Variants in SORBS2 observed in about 807,000 individuals in gnomAD.
SORBS2 encodes sorbin and SH3 domain-containing protein 2.
A neutral mutation model predicts 97.7 loss-of-function variants in SORBS2; 46 were observed. The ratio of observed to expected loss-of-function variants is 0.47; its 90% CI spans 0.37 to 0.60. The LOEUF is 0.60. Ranked by LOEUF, SORBS2 falls within the 20% of genes least tolerant of loss-of-function variation. SORBS2 has a pLI of 0.00. For missense variants in SORBS2, 1,316 were observed against 1,282.3 expected (o/e 1.03, Z -0.40); for synonymous variants, 476 against 473.4 (o/e 1.01, Z -0.07).
chr4:185,700,847 C>A, intron 2 of SORBS2, among the ~76,000 whole-genome samples: 1 of 152,168 alleles, frequency 6.6e-6, no homozygotes, highest in East Asian at 1.9e-4. Flanking sequence ...CAGCATTCTT[C>A]ATTTTTCATA....
chr4:185,942,309 G>A (rs1350245677), intron 1 of SORBS2, among the ~76,000 whole-genome samples: 2 of 151,952 alleles, frequency 1.3e-5, no homozygotes, highest in East Asian at 1.9e-4. Flanking sequence ...TCCTCAAATC[G>A]AACAGGACCT....
At chr4:185,927,449 C>T (rs1561308560) in intron 1 of SORBS2, among the ~76,000 whole-genome samples, 1 of 151,656 alleles carries the variant, frequency 6.6e-6, no homozygotes, top group African/African-American at 2.4e-5. Context: ...CCCCCCACCC[C>T]CTGACAGGCC....
intron 7 of SORBS2, among the ~76,000 whole-genome samples, chr4:185,622,017 C>T (rs1424008109): frequency 6.6e-6 from 1 of 152,150 alleles, no homozygotes; most frequent in Non-Finnish European, 1.5e-5. Context: ...TTCATTCCAG[C>T]CTCTTAAAAT....
At chr4:185,783,712 G>A (rs899408037) in intron 1 of SORBS2, among the ~76,000 whole-genome samples, 2 of 152,160 alleles carry the variant, frequency 1.3e-5, no homozygotes, top group Non-Finnish European at 2.9e-5. Context: ...CCTGCCCGCA[G>A]TGATGGACAT....
intron 1 of SORBS2, among the ~76,000 whole-genome samples, chr4:185,937,905 C>G (rs2099269740): frequency 1.3e-5 from 2 of 152,126 alleles, no homozygotes; most frequent in Non-Finnish European, 2.9e-5. Context: ...TCCTCTCTGC[C>G]CCTTCAAACT....
intron 2 of SORBS2, among the ~76,000 whole-genome samples, chr4:185,651,491 C>A (rs955131974): frequency 2.0e-5 from 3 of 152,176 alleles, no homozygotes; most frequent in Non-Finnish European, 4.4e-5. Context: ...ATTTTGTACC[C>A]TGGGTTACAG....
chr4:185,719,140 GTA>G (rs2098490782), intron 2 of SORBS2, among the ~76,000 whole-genome samples: 2 of 152,170 alleles, frequency 1.3e-5, no homozygotes. Flanking sequence ...CATCGTTAAA[GTA>G]TATGTTTTAG....
rs1274064085 is a variant in SORBS2 at position 185,638,077 on chromosome 4, A to G, written c.397-7479T>C. 2 of 1,555,154 alleles carry G rather than the reference A, an allele frequency of 1.3e-6. No homozygotes were observed. Among genetic ancestry groups the G allele is most frequent in the Non-Finnish European group, 1.8e-6 (2 of 1,126,466 alleles). On this transcript the variant is annotated intron_variant, in intron 4 of 14. Coordinates refer to ENST00000418609, the Ensembl canonical transcript of SORBS2. ...TTATATTAATAGTCTAGCCTCACTTACCGGGCGTCCAAACTCCAGTTCTGA... is the reference window on the plus strand; with the variant it reads ...TTATATTAATAGTCTAGCCTCACTTGCCGGGCGTCCAAACTCCAGTTCTGA...
intron 1 of SORBS2, among the ~76,000 whole-genome samples, chr4:185,889,124 T>A (rs2099241198): frequency 6.6e-6 from 1 of 151,824 alleles, no homozygotes; most frequent in Non-Finnish European, 1.5e-5. Context: ...AGGAAGAGGG[T>A]TTTTTCTTCC....
intron 11 of SORBS2, among the ~76,000 whole-genome samples, chr4:185,613,233 T>A (rs1006952017): frequency 1.1e-4 from 16 of 152,156 alleles, no homozygotes; most frequent in Admixed American, 9.2e-4. Context: ...AGGGCACCCT[T>A]CTTCAGGTGC....
intron 1 of SORBS2, among the ~76,000 whole-genome samples, chr4:185,784,024 G>C (rs533960051): frequency 2.0e-4 from 31 of 152,304 alleles, no homozygotes; most frequent in South Asian, 1.0e-3. Context: ...CAACTGACCT[G>C]CCTGGATTCC....
At chr4:185,614,038 T>G (rs2096588064) in intron 11 of SORBS2, among the ~76,000 whole-genome samples, 1 of 152,140 alleles carries the variant, frequency 6.6e-6, no homozygotes. Flanking sequence ...CTGTGTTGTG[T>G]GCAGAGGCAG....
At chr4:185,751,347 G>T (rs187070228) in intron 2 of SORBS2, among the ~76,000 whole-genome samples, 2 of 152,006 alleles carry the variant, frequency 1.3e-5, no homozygotes, top group African/African-American at 4.8e-5. Context: ...AGGGCAAACC[G>T]AAACGAGACA....
intron 1 of SORBS2, among the ~76,000 whole-genome samples, chr4:185,923,434 A>G (rs572175873): frequency 7.4e-5 from 11 of 148,060 alleles, no homozygotes; most frequent in African/African-American, 2.8e-4. Flanking sequence ...CTGGGACTGC[A>G]GACATGCCAC....
At chr4:185,857,638 G>T (rs1443390863) in intron 1 of SORBS2, among the ~76,000 whole-genome samples, 4 of 152,212 alleles carry the variant, frequency 2.6e-5, no homozygotes, top group Admixed American at 2.0e-4. Flanking sequence ...AAGCAAGTAG[G>T]AGAAATATCA....
chr4:185,869,119 G>A (rs998063277), intron 1 of SORBS2, among the ~76,000 whole-genome samples: 1 of 152,204 alleles, frequency 6.6e-6, no homozygotes, highest in Non-Finnish European at 1.5e-5. Flanking sequence ...CCAGGCACTG[G>A]AATGGGCAGG....
At chr4:185,903,028 A>G (rs2099248560) in intron 1 of SORBS2, among the ~76,000 whole-genome samples, 1 of 152,198 alleles carries the variant, frequency 6.6e-6, no homozygotes, top group Non-Finnish European at 1.5e-5. Flanking sequence ...CACTGATTCC[A>G]TGGGGTGCTG....
intron 1 of SORBS2, among the ~76,000 whole-genome samples, chr4:185,948,510 ATTT>A (rs34637572): frequency 1.4e-4 from 12 of 87,760 alleles, no homozygotes; most frequent in Admixed American, 3.1e-4. Context: ...ATGAATTTCA[ATTT>A]TTTTTTTTTT....
intron 1 of SORBS2, among the ~76,000 whole-genome samples, chr4:185,798,069 C>T (rs577675238): frequency 6.6e-6 from 1 of 152,274 alleles, no homozygotes; most frequent in Admixed American, 6.5e-5. Flanking sequence ...CATACGCAGC[C>T]TGGAGAATCA....
Sources: allele counts gnomAD v4.1 joint callset (sites outside exome capture counted in the v4.1 genomes callset), GRCh38; gene constraint gnomAD v4.1.1; transcripts MANE v1.5; gene names NCBI Gene and HGNC (gene_info 2026-07-23, HGNC 2026-07-21).